The following SMPDL3A variants were observed in gnomAD, a reference collection of about 807,000 sequenced individuals.
SMPDL3A encodes cyclic GMP-AMP phosphodiesterase SMPDL3A.
Under a neutral mutation model 38.5 loss-of-function variants are expected in SMPDL3A, and 39 were observed. The ratio of observed to expected loss-of-function variants is 1.01; its 90% confidence interval spans 0.78 to 1.32. The LOEUF is 1.32. SMPDL3A is among the 40% of genes most tolerant of loss of function. SMPDL3A has a pLI of 0.00. For synonymous variants in SMPDL3A, 180 were observed against 194.3 expected, an observed-to-expected ratio of 0.93 and a Z score of 0.61; for missense variants, 502 against 536.2, an observed-to-expected ratio of 0.94 and a Z score of 0.63.
intron 3 of SMPDL3A, among the ~76,000 whole-genome samples, chr6:122,797,657 G>A (rs2115165811): frequency 6.6e-6 from 1 of 152,292 alleles, no homozygotes; most frequent in African/African-American, 2.4e-5. Context: ...TTTTGTTTAA[G>A]TCCAGGGCTG....
chr6:122,795,893 A>C lies in SMPDL3A; in HGVS notation c.326+3A>C, dbSNP rs1781233885. The C allele has an allele frequency of 1.3e-6, 2 of 1,589,006 alleles. No homozygotes were observed. The highest frequency in any genetic ancestry group is 2.7e-5 in the African/African-American group (2 of 74,480). ...GCATCTTTCATGATATGGACAGGGT[A>C]AGTGATTATACAAGTACCATTAATT... On this transcript the variant is annotated splice_donor_region_variant and intron_variant, in intron 2 of 7. Coordinates refer to ENST00000368440, the MANE Select transcript of SMPDL3A (RefSeq NM_006714.5).
At chr6:122,791,153 G>A (rs1249795541) in intron 1 of SMPDL3A, among the ~76,000 whole-genome samples, 1 of 152,090 alleles carries the variant, frequency 6.6e-6, no homozygotes, top group Non-Finnish European at 1.5e-5. Context: ...CCTGGCTACT[G>A]CTTTCTTGTT....
chr6:122,805,463 G>A (rs1216098991), intron 6 of SMPDL3A, among the ~76,000 whole-genome samples: 1 of 152,074 alleles, frequency 6.6e-6, no homozygotes, highest in African/African-American at 2.4e-5. Flanking sequence ...TTATTTCTCA[G>A]AATTTAGAAA....
At chr6:122,791,908 T>C (rs1781090746) in intron 1 of SMPDL3A, among the ~76,000 whole-genome samples, 1 of 152,196 alleles carries the variant, frequency 6.6e-6, no homozygotes, top group South Asian at 2.1e-4. Flanking sequence ...TTAGCCAGGA[T>C]GGTCTCAATT....
intron 7 of SMPDL3A, among the ~76,000 whole-genome samples, chr6:122,808,576 T>C (rs1056122290): frequency 2.0e-5 from 3 of 151,800 alleles, no homozygotes; most frequent in Non-Finnish European, 4.4e-5. Flanking sequence ...GATACAGGTT[T>C]TTTATTGAGC....
intron 5 of SMPDL3A, among the ~76,000 whole-genome samples, chr6:122,804,266 T>C (rs9385271): frequency 0.32 from 48,071 of 150,968 alleles, 7,852 homozygotes; most frequent in East Asian, 0.51. Flanking sequence ...GGATTACAGG[T>C]GTGAGCCACT....
rs183759017 is a variant in SMPDL3A, at chr6:122,798,979, A to G, written c.471+2011A>G. Among the ~76,000 whole-genome samples, 43 of 152,346 alleles carry G rather than the reference A, an allele frequency of 2.8e-4. No individual in the cohort carries two copies. In the East Asian group the frequency reaches 7.9e-3, roughly 28 times the overall value. On this transcript the variant is annotated intron_variant, in intron 3 of 7. Coordinates refer to ENST00000368440, the MANE Select transcript of SMPDL3A (RefSeq NM_006714.5). ...CAGTTTCGGAAATGTCAAATGTAAC[A>G]TGAAAGCTCCACAACAAAATTTCTT...
At chr6:122,789,575 C>T (rs1313358463) in intron 1 of SMPDL3A, 117 bp downstream of exon 1, 10 of 1,010,336 alleles carry the variant, frequency 9.9e-6, no homozygotes, top group Non-Finnish European at 1.3e-5. Flanking sequence ...CTCGGGCTAG[C>T]GGGGCCCCTG....
In SMPDL3A at chr6:122,789,472, GA is replaced by G. The variant is rs1424151581; in HGVS notation, c.112+15del. On this transcript the variant is annotated intron_variant, in intron 1 of 7. Transcript: ENST00000368440. ...CTCCGGCGATAGGTGAGTTGTCCGC[GA>G]CCCTTCTCTTCCCAGCCGGCAAAGA... The G allele has an allele frequency of 6.5e-7, 1 of 1,540,512 alleles. No individual in the cohort carries two copies. Among genetic ancestry groups the G allele is most frequent in the African/African-American group, 1.4e-5 (1 of 72,792 alleles).
At chr6:122,795,582 G>C in intron 1 of SMPDL3A, 95 bp from the exon 2 acceptor site, 2 of 888,330 alleles carry the variant, frequency 2.3e-6, no homozygotes, top group Non-Finnish European at 1.8e-6. Context: ...CCATCACAGG[G>C]AGGAACAACC....
At position 122,804,277 on chromosome 6, in the gene SMPDL3A, A is replaced by T. The variant is rs190635561; in HGVS notation, c.738+444A>T. The stretch of plus-strand genomic sequence containing the variant: ...GCTGGGATTACAGGTGTGAGCCACT[A>T]TGCCTGGCCAACTCATTTTAGTTTT... On this transcript the variant is annotated intron_variant, in intron 5 of 7. Transcript: ENST00000368440. Among the ~76,000 whole-genome samples, 24 of 146,476 alleles carry T rather than the reference A, an allele frequency of 1.6e-4. No homozygotes were observed. The East Asian group carries it at 4.3e-3, about 26-fold the overall frequency.
chr6:122,804,681 A>G (rs1435620667), intron 5 of SMPDL3A, among the ~76,000 whole-genome samples: 1 of 152,202 alleles, frequency 6.6e-6, no homozygotes, highest in East Asian at 1.9e-4. Context: ...GCCAATTCAA[A>G]AAATTGTGAC....
intron 1 of SMPDL3A, among the ~76,000 whole-genome samples, chr6:122,793,218 A>G (rs1781134883): frequency 6.6e-6 from 1 of 152,160 alleles, no homozygotes; most frequent in African/African-American, 2.4e-5. Flanking sequence ...TAACAGTAAA[A>G]CTAACATTGA....
chr6:122,798,940 A>G (rs1781338468), intron 3 of SMPDL3A, among the ~76,000 whole-genome samples: 1 of 152,080 alleles, frequency 6.6e-6, no homozygotes, highest in African/African-American at 2.4e-5. Context: ...TTCTACTACC[A>G]TCTTTCCACC....
At chr6:122,809,027 CTTG>C (rs1781761087) in intron 7 of SMPDL3A, 61 bp from the exon 8 acceptor site, 3 of 1,232,772 alleles carry the variant, frequency 2.4e-6, no homozygotes, top group Non-Finnish European at 3.5e-6. Context: ...ATGAACGCTT[CTTG>C]TTGTACAATG....
intron 1 of SMPDL3A, among the ~76,000 whole-genome samples, chr6:122,790,199 T>C (rs372640721): frequency 3.3e-5 from 5 of 152,140 alleles, no homozygotes; most frequent in African/African-American, 1.2e-4. Context: ...ATTGTTAGCA[T>C]TGCAAATTTC....
intron 7 of SMPDL3A, among the ~76,000 whole-genome samples, chr6:122,808,605 CCCT>C (rs1562357683): frequency 3.1e-5 from 2 of 64,710 alleles, no homozygotes; most frequent in African/African-American, 5.3e-5. Context: ...CTCCCTCCCT[CCCT>C]CCCTTCCTTC....
rs565278638 is a variant in SMPDL3A at position 122,791,535 on chromosome 6, C to T, written c.112+2077C>T. On this transcript the variant is annotated intron_variant, in intron 1 of 7. Coordinates refer to ENST00000368440, the MANE Select transcript of SMPDL3A (RefSeq NM_006714.5). ...AACTATGTTCAAATAAGGCATAAGG[C>T]GAGCTGAATTATGTCTGAACTATGG... is the stretch of plus-strand genomic sequence containing the variant. Among the ~76,000 whole-genome samples, 39 of 152,086 alleles carry T rather than the reference C, an allele frequency of 2.6e-4. 1 individual carries two copies. In the South Asian group the frequency reaches 7.7e-3, roughly 30 times the overall value.
chr6:122,790,786 G>C (rs1781052482), intron 1 of SMPDL3A, among the ~76,000 whole-genome samples: 1 of 152,142 alleles, frequency 6.6e-6, no homozygotes, highest in African/African-American at 2.4e-5. Flanking sequence ...AATGTCTCAC[G>C]TTGCTTGAGG....
Sources: gnomAD v4.1 joint callset for allele counts (sites outside exome capture counted in the v4.1 genomes callset) on GRCh38, gnomAD v4.1.1 for gene constraint, MANE v1.5 for transcripts, NCBI Gene and HGNC (gene_info 2026-07-23, HGNC 2026-07-21) for gene names.